Variants in XRCC3 observed in about 807,000 individuals in gnomAD.
The protein encoded by XRCC3 is DNA repair protein XRCC3.
Under a neutral mutation model 29.2 loss-of-function variants are expected in XRCC3, and 34 were observed. The ratio of observed to expected loss-of-function variants is 1.16; its 90% confidence interval spans 0.88 to 1.55. The LOEUF is 1.55. XRCC3 is among the 40% of genes most tolerant of loss of function. The pLI, the probability that XRCC3 is intolerant of heterozygous loss-of-function variation, is 0.00. For missense variants in XRCC3, 463 were observed against 467.6 expected (o/e 0.99, Z 0.09); for synonymous variants, 223 against 211.3 (o/e 1.06, Z -0.48).
At chr14:103,707,894 C>G in intron 5 of XRCC3, 1 of 194,078 alleles carries the variant, frequency 5.2e-6, no homozygotes, top group South Asian at 1.0e-4. Flanking sequence ...GCAGGCCACC[C>G]TGACTGTGAG....
rs201759596 is a variant in XRCC3, at chr14:103,699,329, C to T, written c.774+35G>A. 2.5e-5 allele frequency: 39 copies of T among 1,566,426 alleles called. No individual in the cohort carries two copies. In the Admixed American group the frequency reaches 3.0e-4, roughly 12 times the overall value. The stretch of plus-strand genomic sequence containing the variant: ...TGCTTCCGCATCCTGGCTAAAAATA[C>T]GAGCTCAGGGGTGCAACCCTGCCTT... On this transcript the variant is annotated intron_variant, in intron 8 of 9. Transcript: ENST00000555055.
intron 7 of XRCC3, chr14:103,701,140 G>C: frequency 6.5e-7 from 1 of 1,545,692 alleles, no homozygotes; most frequent in Non-Finnish European, 8.8e-7. Flanking sequence ...TTCCAGAACA[G>C]AACTTAGTAA....
intron 1 of XRCC3, among the ~76,000 whole-genome samples, chr14:103,714,865 T>C (rs1330624527): frequency 6.6e-6 from 1 of 152,180 alleles, no homozygotes; most frequent in African/African-American, 2.4e-5. Flanking sequence ...TTTGTATTTT[T>C]AGTAGAGACG....
At chr14:103,708,492 C>A (rs764010286) in intron 5 of XRCC3, 30 bp downstream of exon 5, 2 of 1,612,814 alleles carry the variant, frequency 1.2e-6, no homozygotes, top group Admixed American at 3.3e-5. Context: ...CCACATGTCA[C>A]CCCTGGCAGA....
chr14:103,712,079 T>C (rs2083654005), intron 2 of XRCC3: 1 of 288,652 alleles, frequency 3.5e-6, no homozygotes, highest in Admixed American at 4.7e-5. Context: ...GTCACTCGTA[T>C]GCCCATGTTC....
At chr14:103,710,872 A>ACACACACACG in intron 4 of XRCC3, 161 bp downstream of exon 4, 1 of 686,150 alleles carries the variant, frequency 1.5e-6, no homozygotes, top group Non-Finnish European at 2.6e-6. Flanking sequence ...ACACACACAC[A>ACACACACACG]CACACACACA....
At position 103,711,915 on chromosome 14, in the gene XRCC3, C is replaced by G. The variant is rs114480578; in HGVS notation, c.-260-348G>C. 8.1e-3 allele frequency: 2,849 copies of G among 352,980 alleles called. 72 individuals are homozygous for G. The highest frequency in any genetic ancestry group is 0.056 in the African/African-American group (2,600 of 46,816). The allele number at this position is 352,980 out of a possible 1,614,324, so 21.9% of individuals were successfully genotyped here. On this transcript the variant is annotated intron_variant, in intron 2 of 9. Transcript: ENST00000555055. Reference sequence around the variant, plus strand: ...AGGACATGGGGAAACTGGAAGGCAGCAGCCTCGAGGGCCGGGTCCAGGATC... The same window carrying G: ...AGGACATGGGGAAACTGGAAGGCAGGAGCCTCGAGGGCCGGGTCCAGGATC...
chr14:103,699,310 C>T lies in XRCC3; in HGVS notation c.774+54G>A, dbSNP rs150986165. 5.6e-4 allele frequency: 874 copies of T among 1,552,214 alleles called. 1 individual carries two copies. Among genetic ancestry groups the T allele is most frequent in the Admixed American group, 1.3e-3 (69 of 51,404 alleles). On this transcript the variant is annotated intron_variant, in intron 8 of 9. Transcript: ENST00000555055. The stretch of plus-strand genomic sequence containing the variant: ...CCCACCTCCAGACCGGCTCTGCTTC[C>T]GCATCCTGGCTAAAAATACGAGCTC...
chr14:103,710,877 C>T, intron 4 of XRCC3, 156 bp downstream of exon 4: 1 of 702,464 alleles, frequency 1.4e-6, no homozygotes, highest in Non-Finnish European at 2.6e-6. Flanking sequence ...CACACACACA[C>T]ACACACCTGA....
Position 103,703,236 on chromosome 14 carries a change from T to A in XRCC3, c.498A>T (p.Pro166=), listed in dbSNP as rs1311647555. 9 of 1,566,398 alleles carry A rather than the reference T, an allele frequency of 5.7e-6. No individual in the cohort carries two copies. Among genetic ancestry groups the A allele is most frequent in the Non-Finnish European group, 7.8e-6 (9 of 1,156,146 alleles). ...AQQPRLRTDV[P]GELLQKLRFG... is the part of the protein sequence containing the mutation. ...ATCGGAGCTTCTGAAGCAGCTCTCC[T>A]GGAACGTCAGTGCGCAGCCGCGGCT... Residue 166 remains proline (P), a synonymous_variant, in exon 7 of 10, where the codon CCA becomes CCT. Coordinates refer to ENST00000555055, the MANE Select transcript of XRCC3 (RefSeq NM_005432.4).
chr14:103,711,671 G>A (rs1427032980), intron 2 of XRCC3, 104 bp from the exon 3 acceptor site: 1 of 456,152 alleles, frequency 2.2e-6, no homozygotes, highest in African/African-American at 2.0e-5. Flanking sequence ...CCTGTGGGAC[G>A]GGAGGAAGGT....
chr14:103,702,774 G>A lies in XRCC3; in HGVS notation c.561+399C>T, dbSNP rs3212087. The A allele has an allele frequency of 7.0e-3, 1,660 of 236,146 alleles. 30 individuals are homozygous for A. Among genetic ancestry groups the A allele is most frequent in the African/African-American group, 0.035 (1,573 of 45,124 alleles). The allele number at this position is 236,146 out of a possible 1,614,324, so 14.6% of individuals were successfully genotyped here. A position where few individuals can be genotyped will look rare whatever the true frequency, so the allele number is the denominator to read the frequency against. On this transcript the variant is annotated intron_variant, in intron 7 of 9. Coordinates refer to ENST00000555055, the MANE Select transcript of XRCC3 (RefSeq NM_005432.4). ...GTCAGGCTCCTGAGCCTCCTCCTAG[G>A]CCCATCTGTGCACGTCCTCATGAAA...
At chr14:103,714,974 G>GC (rs1321433325) in intron 1 of XRCC3, among the ~76,000 whole-genome samples, 1 of 152,220 alleles carries the variant, frequency 6.6e-6, no homozygotes, top group Non-Finnish European at 1.5e-5. Flanking sequence ...GTGAGCCACC[G>GC]CGCCCGGCCT....
At chr14:103,707,959 C>T (rs2083495848) in intron 5 of XRCC3, 1 of 217,410 alleles carries the variant, frequency 4.6e-6, no homozygotes, top group Non-Finnish European at 9.3e-6. Flanking sequence ...CACCTGCCCA[C>T]CACGGCAGCC....
chr14:103,711,631 C>T (rs1224748699), intron 2 of XRCC3, 64 bp from the exon 3 acceptor site: 1 of 456,308 alleles, frequency 2.2e-6, no homozygotes, highest in Non-Finnish European at 4.4e-6. Context: ...ACATCAGTCG[C>T]CCCCAGCAGC....
intron 6 of XRCC3, chr14:103,706,514 A>G: frequency 2.4e-6 from 1 of 416,110 alleles, no homozygotes; most frequent in Non-Finnish European, 4.8e-6. Flanking sequence ...TTAACACCTG[A>G]GAGACCCAGG....
chr14:103,708,476 C>G (rs2083517493), intron 5 of XRCC3, 46 bp downstream of exon 5: 2 of 1,611,470 alleles, frequency 1.2e-6, no homozygotes, highest in African/African-American at 2.7e-5. Flanking sequence ...GACCATGATG[C>G]TGGAGCCACA....
In XRCC3 at chr14:103,707,028, C is replaced by T. The variant is rs752482489; in HGVS notation, c.381G>A (p.Pro127=). The change falls in exon 6 of 10, where the codon CCG becomes CCA. Residue 127 remains proline, a synonymous_variant. Transcript: ENST00000555055. ...CAGCCTCCAGGCCTCCGTGCTGCCG[C>T]GGGAACTGCACAGCCAGGCAGAGCT... is the stretch of plus-strand genomic sequence containing the variant. ...ALQLCLAVQF[P]RQHGGLEAGA... 1.0e-4 allele frequency: 160 copies of T among 1,564,666 alleles called. No individual in the cohort carries two copies. Among genetic ancestry groups the T allele is most frequent in the Non-Finnish European group, 1.3e-4 (145 of 1,158,822 alleles).
intron 7 of XRCC3, chr14:103,701,612 C>T (rs997261285): frequency 8.6e-5 from 14 of 162,976 alleles, no homozygotes; most frequent in Admixed American, 2.5e-4. Flanking sequence ...CGGTGGCTCA[C>T]GCCTGTAATC....
Sources: gnomAD v4.1 joint callset for allele counts (sites outside exome capture counted in the v4.1 genomes callset) on GRCh38, gnomAD v4.1.1 for gene constraint, MANE v1.5 for transcripts, NCBI Gene and HGNC (gene_info 2026-07-23, HGNC 2026-07-21) for gene names.